Variants in CDH8 observed in about 807,000 individuals in gnomAD.
CDH8 encodes cadherin-8.
Under a neutral mutation model 68.1 loss-of-function variants are expected in CDH8, and 17 were observed. That is an observed-to-expected ratio of 0.25 (90% CI 0.17 to 0.37). The LOEUF (loss-of-function observed/expected upper bound fraction) is 0.37, where lower values mean the gene tolerates loss of function less well. CDH8 is among the 10% of genes least tolerant of loss of function. The pLI is 1.00. For missense variants in CDH8, 763 were observed against 999.3 expected (o/e 0.76, Z 3.19); for synonymous variants, 372 against 365.1 (o/e 1.02, Z -0.21).
At chr16:61,657,311 T>C (rs1225003497) in intron 10 of CDH8, among the ~76,000 whole-genome samples, 1 of 152,156 alleles carries the variant, frequency 6.6e-6, no homozygotes, top group Non-Finnish European at 1.5e-5. Flanking sequence ...AATGGATATA[T>C]AGTTATATTT....
At chr16:61,925,544 G>A (rs1964443115) in intron 2 of CDH8, among the ~76,000 whole-genome samples, 1 of 152,130 alleles carries the variant, frequency 6.6e-6, no homozygotes, top group African/African-American at 2.4e-5. Flanking sequence ...CTAAAGGAGT[G>A]TGCTATTACA....
chr16:61,844,824 A>C (rs1962770008), intron 4 of CDH8, among the ~76,000 whole-genome samples: 1 of 152,236 alleles, frequency 6.6e-6, no homozygotes, highest in African/African-American at 2.4e-5. Context: ...GTGGCACATC[A>C]ATAATCAGTT....
At chr16:61,945,074 A>G (rs3784845) in intron 2 of CDH8, among the ~76,000 whole-genome samples, 75,111 of 151,890 alleles carry the variant, frequency 0.49, 20,681 homozygotes, top group African/African-American at 0.75. Flanking sequence ...TACCATCAGC[A>G]CTTTAGTGAG....
At chr16:62,022,407 G>A (rs1271806218) in intron 1 of CDH8, among the ~76,000 whole-genome samples, 4 of 151,996 alleles carry the variant, frequency 2.6e-5, no homozygotes, top group Non-Finnish European at 5.9e-5. Flanking sequence ...AATCCCCCTT[G>A]GAAATAAAAT....
In CDH8 at chr16:61,864,549, A is replaced by AAG. The variant is rs569705407; in HGVS notation, c.548-7313_548-7312dup. ...GCCTCAAGCAAATTCCCCCAGCAGGAAGCATGCCCTAAATTCTACCAGTAT... is the reference window on the plus strand; with the variant it reads ...GCCTCAAGCAAATTCCCCCAGCAGGAAGAGCATGCCCTAAATTCTACCAGTAT... On this transcript the variant is annotated intron_variant, in intron 3 of 11. Coordinates refer to ENST00000577390, the MANE Select transcript of CDH8 (RefSeq NM_001796.5). 3.9e-5 allele frequency among the ~76,000 whole-genome samples: 6 copies of AAG among 152,266 alleles called. No individual in the cohort carries two copies. The South Asian group carries it at 1.2e-3, about 32-fold the overall frequency.
chr16:61,809,043 G>T lies in CDH8; in HGVS notation c.1277+8436C>A, dbSNP rs28661286. 9.2e-3 allele frequency among the ~76,000 whole-genome samples: 1,401 copies of T among 152,158 alleles called. 30 individuals carry two copies. The highest frequency in any genetic ancestry group is 0.032 in the African/African-American group (1,323 of 41,538). Reference sequence around the variant, plus strand: ...CTCTACTAAAAATACAAAATTAGACGGGCATGGTGGCCCATGCCTGTAATC... The same window carrying T: ...CTCTACTAAAAATACAAAATTAGACTGGCATGGTGGCCCATGCCTGTAATC... On this transcript the variant is annotated intron_variant, in intron 7 of 11. Transcript: ENST00000577390.
chr16:61,965,949 T>TAAC (rs990685748), intron 2 of CDH8, among the ~76,000 whole-genome samples: 2 of 152,178 alleles, frequency 1.3e-5, no homozygotes, highest in Non-Finnish European at 2.9e-5. Flanking sequence ...ATTGTTCTGG[T>TAAC]AACACCTTAT....
chr16:61,662,761 A>G (rs987772138), intron 10 of CDH8, among the ~76,000 whole-genome samples: 4 of 151,930 alleles, frequency 2.6e-5, no homozygotes, highest in African/African-American at 9.7e-5. Flanking sequence ...TAGGATGTAC[A>G]TAGAGTATGT....
intron 1 of CDH8, among the ~76,000 whole-genome samples, chr16:62,030,230 T>C (rs760682953): frequency 2.1e-4 from 32 of 152,222 alleles, no homozygotes; most frequent in Non-Finnish European, 4.6e-4. Flanking sequence ...ACCCAGAATG[T>C]ATAATTTATG....
chr16:61,719,464 C>T (rs987492889), intron 9 of CDH8, among the ~76,000 whole-genome samples: 21 of 151,074 alleles, frequency 1.4e-4, no homozygotes, highest in African/African-American at 5.1e-4. Flanking sequence ...GTTTCTTCTG[C>T]CTCTTGCATT....
At chr16:61,848,860 C>T (rs541327104) in intron 4 of CDH8, among the ~76,000 whole-genome samples, 45 of 152,138 alleles carry the variant, frequency 3.0e-4, no homozygotes, top group African/African-American at 8.4e-4. Flanking sequence ...TCTTCTTCAA[C>T]GTATTAATTC....
At position 61,655,499 on chromosome 16, in the gene CDH8, G is replaced by A. The variant is rs1963424041; in HGVS notation, c.1877C>T (p.Ala626Val). 6.2e-7 allele frequency: 1 copy of A among 1,613,938 alleles called. No individual in the cohort carries two copies. Among genetic ancestry groups the A allele is most frequent in the Non-Finnish European group, 8.5e-7 (1 of 1,179,998 alleles). ...PIGLSMGALIAILACIILLLV... is the reference protein window; with the variant it reads ...PIGLSMGALIVILACIILLLV... The stretch of plus-strand genomic sequence containing the variant: ...CAGCAAAATGATGCATGCTAATATG[G>A]CAATTAAGGCGCCCATACTGAGTCC... Residue 626 changes from alanine to valine, a missense_variant, in exon 11 of 12, where the codon GCC becomes GTC. Coordinates refer to ENST00000577390, the MANE Select transcript of CDH8 (RefSeq NM_001796.5).
intron 9 of CDH8, among the ~76,000 whole-genome samples, chr16:61,722,847 A>G (rs1159173216): frequency 6.6e-6 from 1 of 150,732 alleles, no homozygotes; most frequent in Admixed American, 6.6e-5. Context: ...AGGCAGAAAG[A>G]TGAGATGAAA....
intron 6 of CDH8, among the ~76,000 whole-genome samples, chr16:61,818,272 A>G (rs184957958): frequency 6.6e-6 from 1 of 152,208 alleles, no homozygotes; most frequent in Admixed American, 6.5e-5. Context: ...TTTCACTTTA[A>G]AGCATTGCTA....
At position 61,713,920 on chromosome 16, in the gene CDH8, G is replaced by T; in HGVS notation, c.1575C>A (p.Pro525=). Residue 525 remains proline (P), a synonymous_variant, in exon 10 of 12, where the codon CCC becomes CCA. Coordinates refer to ENST00000577390, the MANE Select transcript of CDH8 (RefSeq NM_001796.5). ...TGTATAAGAAATAATGTCCGTTTTT[G>T]GGATCATCTTTGTCCATGGCGCTAA... is the stretch of plus-strand genomic sequence containing the variant. ...QTVSAMDKDD[P]KNGHYFLYSL... 6.2e-7 allele frequency: 1 copy of T among 1,609,316 alleles called. No individual in the cohort carries two copies.
intron 3 of CDH8, among the ~76,000 whole-genome samples, chr16:61,883,235 G>A (rs1341925752): frequency 6.6e-6 from 1 of 152,008 alleles, no homozygotes; most frequent in African/African-American, 2.4e-5. Context: ...ATACCAGCAG[G>A]GCACTCTAGG....
chr16:61,998,159 A>C (rs1265163024), intron 2 of CDH8, among the ~76,000 whole-genome samples: 1 of 152,210 alleles, frequency 6.6e-6, no homozygotes, highest in African/African-American at 2.4e-5. Context: ...AGAAAAATGC[A>C]ATATGCATGA....
chr16:61,800,600 G>A (rs146883136), intron 7 of CDH8, among the ~76,000 whole-genome samples: 68 of 152,182 alleles, frequency 4.5e-4, no homozygotes, highest in Admixed American at 1.3e-3. Flanking sequence ...TGTGAACCTC[G>A]GTAGATCATC....
At chr16:61,751,119 A>C (rs1347382045) in intron 8 of CDH8, among the ~76,000 whole-genome samples, 1 of 152,094 alleles carries the variant, frequency 6.6e-6, no homozygotes, top group Non-Finnish European at 1.5e-5. Context: ...ACATATGGCA[A>C]ACAAAGATAA....
Sources: allele counts gnomAD v4.1 joint callset (sites outside exome capture counted in the v4.1 genomes callset), GRCh38; gene constraint gnomAD v4.1.1; transcripts MANE v1.5; gene names NCBI Gene and HGNC (gene_info 2026-07-23, HGNC 2026-07-21).